Variants in CBLB observed in about 807,000 individuals in gnomAD.
CBLB encodes the protein E3 ubiquitin-protein ligase CBL-B.
CBLB carries 31 observed loss-of-function variants against 104.9 expected under a neutral mutation model. That is an observed-to-expected ratio of 0.30 (90% CI 0.22 to 0.40). The LOEUF (loss-of-function observed/expected upper bound fraction) is 0.40. CBLB is among the 10% of genes least tolerant of loss of function. The pLI, the probability that CBLB is intolerant of heterozygous loss-of-function variation, is 1.00. For synonymous variants in CBLB, 440 were observed against 422.6 expected, an observed-to-expected ratio of 1.04 and a Z score of -0.51; for missense variants, 1,062 against 1,214.6, an observed-to-expected ratio of 0.87 and a Z score of 1.87.
At chr3:105,717,994 G>A (rs191956219) in intron 10 of CBLB, among the ~76,000 whole-genome samples, 165 of 152,232 alleles carry the variant, frequency 1.1e-3, no homozygotes, top group Admixed American at 3.1e-3. Context: ...GTAAACTGAG[G>A]AAGAAAGAGG....
At chr3:105,766,091 ACT>A (rs1202650951) in intron 4 of CBLB, among the ~76,000 whole-genome samples, 1 of 152,182 alleles carries the variant, frequency 6.6e-6, no homozygotes, top group Non-Finnish European at 1.5e-5. Flanking sequence ...CTCATGGATG[ACT>A]CTGAGGATTT....
chr3:105,676,369 C>T (rs1029749365), intron 17 of CBLB, among the ~76,000 whole-genome samples: 1 of 151,966 alleles, frequency 6.6e-6, no homozygotes, highest in Non-Finnish European at 1.5e-5. Context: ...AAACCTTTTA[C>T]AATTCTTTTG....
Position 105,690,737 on chromosome 3 carries a change from G to A in CBLB, c.2054+2757C>T, listed in dbSNP as rs2301047. Among the ~76,000 whole-genome samples, 170 of 151,296 alleles carry A rather than the reference G, an allele frequency of 1.1e-3. No homozygotes were observed. The East Asian group carries it at 0.014, about 12-fold the overall frequency. On this transcript the variant is annotated intron_variant, in intron 13 of 18. Coordinates refer to ENST00000394030, the MANE Select transcript of CBLB (RefSeq NM_170662.5). ...CTTGAAAGGCTGAGGCAGGAGAACC[G>A]CTTGAACCCAGGAGGCAGAGGTTGC...
intron 3 of CBLB, among the ~76,000 whole-genome samples, chr3:105,817,584 G>A (rs565863915): frequency 9.7e-4 from 147 of 152,198 alleles, no homozygotes; most frequent in Non-Finnish European, 1.7e-3. Context: ...AAAAACTATC[G>A]GGAGATGCAA....
At position 105,657,174 on chromosome 3, in the gene CBLB, TG is replaced by T; in HGVS notation, c.*1795del. 4.5e-6 allele frequency: 1 copy of T among 223,706 alleles called. No homozygotes were observed. Among genetic ancestry groups the T allele is most frequent in the Non-Finnish European group, 8.9e-6 (1 of 111,980 alleles). The allele number at this position is 223,706 out of a possible 1,614,324, so 13.9% of individuals were successfully genotyped here. On this transcript the variant is annotated 3_prime_UTR_variant, in exon 19 of 19. Coordinates refer to ENST00000394030, the MANE Select transcript of CBLB (RefSeq NM_170662.5). The stretch of plus-strand genomic sequence containing the variant: ...GGGCACATGTCACTTTGCAAAGGAA[TG>T]TATTAACTCCTCTCCCAGGGTCAAC...
At chr3:105,831,320 T>C (rs2087480949) in intron 3 of CBLB, among the ~76,000 whole-genome samples, 1 of 152,222 alleles carries the variant, frequency 6.6e-6, no homozygotes, top group Non-Finnish European at 1.5e-5. Context: ...ATCTCCTACC[T>C]GAGCATTAGC....
At chr3:105,726,244 A>C (rs1004505469) in intron 9 of CBLB, among the ~76,000 whole-genome samples, 4 of 152,234 alleles carry the variant, frequency 2.6e-5, no homozygotes, top group African/African-American at 9.6e-5. Flanking sequence ...CACTCTCTAC[A>C]TATGGAACAT....
At position 105,755,095 on chromosome 3, in the gene CBLB, G is replaced by A. The variant is rs1054688685; in HGVS notation, c.567-3477C>T. Among the ~76,000 whole-genome samples the A allele has an allele frequency of 8.1e-5, 12 of 147,606 alleles. No homozygotes were observed. The Admixed American group carries it at 8.4e-4, about 10-fold the overall frequency. ...CACATTGTGCAGGTTAGTTACATAT[G>A]TATACATGTGCCATGCTGGTGCGCT... On this transcript the variant is annotated intron_variant, in intron 4 of 18. Transcript: ENST00000394030.
At chr3:105,752,000 A>T (rs1370548353) in intron 4 of CBLB, among the ~76,000 whole-genome samples, 2 of 152,208 alleles carry the variant, frequency 1.3e-5, no homozygotes, top group Non-Finnish European at 2.9e-5. Context: ...AACAGTCATA[A>T]GATGATGGGT....
At chr3:105,805,924 A>G (rs1441042583) in intron 3 of CBLB, among the ~76,000 whole-genome samples, 3 of 82,496 alleles carry the variant, frequency 3.6e-5, no homozygotes, top group Non-Finnish European at 7.1e-5. Flanking sequence ...AGGGAGGGAG[A>G]AAAGGGAAAG....
At chr3:105,702,695 A>G (rs966348122) in intron 11 of CBLB, among the ~76,000 whole-genome samples, 2 of 152,144 alleles carry the variant, frequency 1.3e-5, no homozygotes, top group Admixed American at 6.5e-5. Flanking sequence ...AAATGAGTAC[A>G]TAAATCCAAA....
intron 3 of CBLB, among the ~76,000 whole-genome samples, chr3:105,799,946 T>C (rs947224481): frequency 6.6e-6 from 1 of 152,200 alleles, no homozygotes; most frequent in African/African-American, 2.4e-5. Flanking sequence ...AAAATAAACA[T>C]TGTTTTTTAG....
At chr3:105,780,250 GAAAC>G (rs1216566502) in intron 3 of CBLB, among the ~76,000 whole-genome samples, 2 of 151,828 alleles carry the variant, frequency 1.3e-5, no homozygotes, top group Admixed American at 6.6e-5. Context: ...GAGAAGAAAA[GAAAC>G]AATCACACAT....
chr3:105,778,236 A>G (rs2079717621), intron 3 of CBLB, among the ~76,000 whole-genome samples: 1 of 152,324 alleles, frequency 6.6e-6, no homozygotes, highest in South Asian at 2.1e-4. Flanking sequence ...AATTTGCAAC[A>G]TATAAAACCA....
upstream of CBLB, chr3:105,869,392 G>C: frequency 1.5e-6 from 2 of 1,340,974 alleles, no homozygotes; most frequent in Non-Finnish European, 2.0e-6. Context: ...AAGCCATCTG[G>C]GGCTGAAAGG....
At chr3:105,747,900 C>T (rs1383772558) in intron 5 of CBLB, among the ~76,000 whole-genome samples, 1 of 152,162 alleles carries the variant, frequency 6.6e-6, no homozygotes, top group Non-Finnish European at 1.5e-5. Flanking sequence ...TTTGAGCCAA[C>T]TGCTACAGTA....
intron 3 of CBLB, among the ~76,000 whole-genome samples, chr3:105,828,122 CATAA>C (rs1222153289): frequency 1.3e-4 from 20 of 152,278 alleles, no homozygotes; most frequent in African/African-American, 4.8e-4. Flanking sequence ...TGAGATGACT[CATAA>C]CCCTGTTCAC....
At chr3:105,757,681 G>C (rs939225729) in intron 4 of CBLB, among the ~76,000 whole-genome samples, 1 of 152,094 alleles carries the variant, frequency 6.6e-6, no homozygotes, top group Non-Finnish European at 1.5e-5. Flanking sequence ...CTAAAAATCA[G>C]ATACATGGGA....
chr3:105,807,383 C>A (rs1473115846), intron 3 of CBLB, among the ~76,000 whole-genome samples: 1 of 152,084 alleles, frequency 6.6e-6, no homozygotes, highest in East Asian at 1.9e-4. Context: ...ATGTCCAGAC[C>A]TCGTAGGTAG....
Sources: allele counts gnomAD v4.1 joint callset (sites outside exome capture counted in the v4.1 genomes callset), GRCh38; gene constraint gnomAD v4.1.1; transcripts MANE v1.5; gene names NCBI Gene and HGNC (gene_info 2026-07-23, HGNC 2026-07-21).